Variants in PCMT1 observed in about 807,000 individuals in gnomAD.
PCMT1 encodes the protein protein-L-isoaspartate(D-aspartate) O-methyltransferase.
PCMT1 carries 9 observed loss-of-function variants against 29.2 expected under a neutral mutation model. That is an observed-to-expected ratio of 0.31 (90% CI 0.19 to 0.54). PCMT1 has a LOEUF of 0.54. PCMT1 is among the 20% of genes least tolerant of loss of function. PCMT1 has a pLI of 0.95. For synonymous variants in PCMT1, 98 were observed against 97.5 expected (o/e 1.00, Z -0.03); for missense variants, 184 against 282.2 (o/e 0.65, Z 2.49).
intron 5 of PCMT1, chr6:149,795,551 C>A: frequency 2.0e-6 from 1 of 491,658 alleles, no homozygotes. Context: ...TTGGATCTGG[C>A]CGAGAACACA....
At chr6:149,789,840 G>A in intron 3 of PCMT1, 114 bp from the exon 4 acceptor site, 3 of 545,056 alleles carry the variant, frequency 5.5e-6, no homozygotes, top group Non-Finnish European at 6.4e-6. Flanking sequence ...AAGATAACTT[G>A]GTTATCTTGG....
At chr6:149,798,197 G>A (rs1405510534) in intron 6 of PCMT1, 5 of 100,492 alleles carry the variant, frequency 5.0e-5, no homozygotes, top group African/African-American at 3.6e-4. Context: ...AGATTGAACT[G>A]GTGGTTTTAC....
chr6:149,761,227 C>T (rs1206633623), intron 1 of PCMT1, among the ~76,000 whole-genome samples: 1 of 147,364 alleles, frequency 6.8e-6, no homozygotes, highest in East Asian at 2.0e-4. Context: ...GTAAAGCAGT[C>T]CTTGCTGTAT....
intron 7 of PCMT1, among the ~76,000 whole-genome samples, chr6:149,808,560 C>T (rs1023498460): frequency 2.6e-5 from 4 of 151,852 alleles, no homozygotes; most frequent in Non-Finnish European, 5.9e-5. Context: ...AAAATGGTAC[C>T]TATGTTGTTG....
intron 4 of PCMT1, among the ~76,000 whole-genome samples, chr6:149,792,954 A>G (rs1788433424): frequency 6.6e-6 from 1 of 152,098 alleles, no homozygotes; most frequent in African/African-American, 2.4e-5. Context: ...CGAGGTCAGG[A>G]ATTTGAGACC....
intron 2 of PCMT1, chr6:149,772,210 C>T (rs970776941): frequency 2.4e-4 from 95 of 392,904 alleles, no homozygotes; most frequent in African/African-American, 1.6e-3. Flanking sequence ...CTGCTACCAC[C>T]GCTCAGTGAA....
chr6:149,766,036 C>T (rs1233732074), intron 1 of PCMT1, among the ~76,000 whole-genome samples: 1 of 149,624 alleles, frequency 6.7e-6, no homozygotes, highest in Non-Finnish European at 1.5e-5. Context: ...GCTTTGATTC[C>T]TTCTATTACC....
rs574603561 is a variant in PCMT1 at position 149,803,779 on chromosome 6, C to T, written c.*37+1363C>T. On this transcript the variant is annotated intron_variant, in intron 7 of 7. Coordinates refer to ENST00000464889, the MANE Select transcript of PCMT1 (RefSeq NM_001360452.2). ...CAATAGCTATTTTCTGTGAATTATACGTGGAGCACAGCCACTGGAAAAAAA... is the reference window on the plus strand; with the variant it reads ...CAATAGCTATTTTCTGTGAATTATATGTGGAGCACAGCCACTGGAAAAAAA... Among the ~76,000 whole-genome samples, 14 of 138,836 alleles carry T rather than the reference C, an allele frequency of 1.0e-4. No homozygotes were observed. The South Asian group carries it at 2.5e-3, about 25-fold the overall frequency. 91.1% of individuals were successfully genotyped at this position (138,836 alleles called of 152,430 possible).
At chr6:149,779,406 C>A (rs931612399) in intron 3 of PCMT1, among the ~76,000 whole-genome samples, 2 of 152,268 alleles carry the variant, frequency 1.3e-5, no homozygotes, top group African/African-American at 4.8e-5. Context: ...GGACCCTAGT[C>A]CGACTGCGCC....
Position 149,786,408 on chromosome 6 carries a change from C to CG in PCMT1, c.193-3541dup, listed in dbSNP as rs1485920954. 5.2e-5 allele frequency among the ~76,000 whole-genome samples: 6 copies of CG among 115,412 alleles called. No individual in the cohort carries two copies. The South Asian group carries it at 1.1e-3, about 21-fold the overall frequency. 75.7% of individuals were successfully genotyped at this position (115,412 alleles called of 152,430 possible). On this transcript the variant is annotated intron_variant, in intron 3 of 7. Coordinates refer to ENST00000464889, the MANE Select transcript of PCMT1 (RefSeq NM_001360452.2). ...CTCCCGGACGGGGTGGCTGGCCGGGCGGGGGCTGACCCCCCACCTCCCTCC... is the reference window on the plus strand; with the variant it reads ...CTCCCGGACGGGGTGGCTGGCCGGGCGGGGGGCTGACCCCCCACCTCCCTCC...
intron 4 of PCMT1, among the ~76,000 whole-genome samples, chr6:149,791,359 CAG>C (rs1788362922): frequency 6.6e-6 from 1 of 152,202 alleles, no homozygotes; most frequent in Non-Finnish European, 1.5e-5. Flanking sequence ...CTTTTCTCAT[CAG>C]AGTCTTATCT....
At chr6:149,763,289 ATGATATATATATCTAT>A (rs1482739888) in intron 1 of PCMT1, among the ~76,000 whole-genome samples, 1 of 146,680 alleles carries the variant, frequency 6.8e-6, no homozygotes, top group Non-Finnish European at 1.5e-5. Flanking sequence ...TATGATATCT[ATGATATATATATCTAT>A]GATATATATA....
At chr6:149,772,845 G>A (rs11155682) in intron 2 of PCMT1, among the ~76,000 whole-genome samples, 80,285 of 150,654 alleles carry the variant, frequency 0.53, 24,488 homozygotes, top group East Asian at 0.83. Context: ...GTGAAACCCC[G>A]TCTCTACTAA....
chr6:149,779,153 G>A (rs769879217), intron 3 of PCMT1, among the ~76,000 whole-genome samples: 137 of 152,242 alleles, frequency 9.0e-4, no homozygotes, highest in Admixed American at 1.7e-3. Context: ...CATTCCTTGA[G>A]GCACAGCGAG....
chr6:149,749,761 G>GACGGCAGTAACA lies in PCMT1; in HGVS notation c.-140_-129dup. On this transcript the variant is annotated 5_prime_UTR_variant, in exon 1 of 8. Coordinates refer to ENST00000464889, the MANE Select transcript of PCMT1 (RefSeq NM_001360452.2). ...AGCGCGCAGTGGCGGCAGCGGCGGC[G>GACGGCAGTAACA]ACGGCAGTAACAGCGGCAGCTACAG... The GACGGCAGTAACA allele has an allele frequency of 1.9e-6, 3 of 1,547,028 alleles. No homozygotes were observed. The South Asian group carries it at 3.6e-5, about 18-fold the overall frequency.
chr6:149,775,269 G>C (rs906114509), intron 3 of PCMT1, among the ~76,000 whole-genome samples: 7 of 151,996 alleles, frequency 4.6e-5, no homozygotes, highest in Non-Finnish European at 7.4e-5. Flanking sequence ...GAAGAAAAAA[G>C]CAGACATTTA....
At chr6:149,778,271 C>T (rs1787659515) in intron 3 of PCMT1, among the ~76,000 whole-genome samples, 1 of 151,928 alleles carries the variant, frequency 6.6e-6, no homozygotes, top group African/African-American at 2.4e-5. Context: ...CTCTGTCGCC[C>T]AGGCTGGAGT....
chr6:149,771,885 G>C (rs1167252117), intron 2 of PCMT1: 1 of 431,264 alleles, frequency 2.3e-6, no homozygotes, highest in African/African-American at 2.1e-5. Flanking sequence ...AGGGGCCTTA[G>C]TGTTGACTAA....
chr6:149,749,750 G>GCAGCGGCGGCGACGGCAGTAA lies in PCMT1; in HGVS notation c.-144_-124dup. 6.5e-7 allele frequency: 1 copy of GCAGCGGCGGCGACGGCAGTAA among 1,545,530 alleles called. No individual in the cohort carries two copies. Among genetic ancestry groups the GCAGCGGCGGCGACGGCAGTAA allele is most frequent in the Non-Finnish European group, 8.7e-7 (1 of 1,144,526 alleles). On this transcript the variant is annotated 5_prime_UTR_variant, in exon 1 of 8. Coordinates refer to ENST00000464889, the MANE Select transcript of PCMT1 (RefSeq NM_001360452.2). ...GGGATGCCGGGAGCGCGCAGTGGCGGCAGCGGCGGCGACGGCAGTAACAGC... is the reference window on the plus strand; with the variant it reads ...GGGATGCCGGGAGCGCGCAGTGGCGGCAGCGGCGGCGACGGCAGTAACAGCGGCGGCGACGGCAGTAACAGC...
Sources: gnomAD v4.1 joint callset for allele counts (sites outside exome capture counted in the v4.1 genomes callset) on GRCh38, gnomAD v4.1.1 for gene constraint, MANE v1.5 for transcripts, NCBI Gene and HGNC (gene_info 2026-07-23, HGNC 2026-07-21) for gene names.